Variants in ULK4 observed in about 807,000 individuals in gnomAD.
ULK4 encodes the protein inactive serine/threonine-protein kinase ULK4.
In ULK4, 133 loss-of-function variants were observed where a neutral mutation model predicts 160.6. That is an observed-to-expected ratio of 0.83 (90% CI 0.72 to 0.96). The LOEUF is 0.96. Ranked by LOEUF, ULK4 falls within the 40% of genes least tolerant of loss-of-function variation. The pLI, the probability that ULK4 is intolerant of heterozygous loss-of-function variation, is 0.00. For synonymous variants in ULK4, 534 were observed against 539.8 expected, an observed-to-expected ratio of 0.99 and a Z score of 0.15; for missense variants, 1,580 against 1,499.5, an observed-to-expected ratio of 1.05 and a Z score of -0.89.
At chr3:41,848,617 G>A (rs1295113403) in intron 17 of ULK4, among the ~76,000 whole-genome samples, 1 of 152,194 alleles carries the variant, frequency 6.6e-6, no homozygotes, top group African/African-American at 2.4e-5. Flanking sequence ...CAAGGCTCTT[G>A]CTCAGGAATC....
rs2032884462 is a variant in ULK4, at chr3:41,614,912, G to A, written c.3120+757C>T. Among the ~76,000 whole-genome samples, 3 of 152,168 alleles carry A rather than the reference G, an allele frequency of 2.0e-5. No individual in the cohort carries two copies. In the South Asian group the frequency reaches 6.2e-4, roughly 31 times the overall value. Reference sequence around the variant, plus strand: ...ATCTGGCTGGGGAAGTGCCCCCTCTGTTGTGCCTTGTGCTGTTACTGAGCT... The same window carrying A: ...ATCTGGCTGGGGAAGTGCCCCCTCTATTGTGCCTTGTGCTGTTACTGAGCT... On this transcript the variant is annotated intron_variant, in intron 31 of 36. Coordinates refer to ENST00000301831, the MANE Select transcript of ULK4 (RefSeq NM_017886.4).
chr3:41,932,230 A>C (rs995091711), intron 4 of ULK4, among the ~76,000 whole-genome samples: 1 of 152,222 alleles, frequency 6.6e-6, no homozygotes, highest in African/African-American at 2.4e-5. Context: ...GTATATAATG[A>C]ACACATCATA....
intron 34 of ULK4, among the ~76,000 whole-genome samples, chr3:41,454,982 T>C (rs1232395309): frequency 6.6e-6 from 1 of 152,168 alleles, no homozygotes; most frequent in African/African-American, 2.4e-5. Context: ...AACTGTTTAA[T>C]ACGTCCAAAC....
intron 30 of ULK4, among the ~76,000 whole-genome samples, chr3:41,637,401 T>C (rs879103189): frequency 6.6e-6 from 1 of 152,220 alleles, no homozygotes; most frequent in Admixed American, 6.5e-5. Flanking sequence ...TGAATAGTAT[T>C]CTATTGTGTA....
intron 18 of ULK4, among the ~76,000 whole-genome samples, chr3:41,827,290 G>T (rs4973988): frequency 5.3e-5 from 8 of 150,716 alleles, no homozygotes; most frequent in Non-Finnish European, 1.0e-4. Context: ...GCTAGCAGAA[G>T]GCAAGAAATA....
At chr3:41,335,554 A>G (rs1270623182) in intron 35 of ULK4, among the ~76,000 whole-genome samples, 1 of 152,198 alleles carries the variant, frequency 6.6e-6, no homozygotes, top group African/African-American at 2.4e-5. Context: ...TTGCAAAAAC[A>G]TCACAACCAC....
intron 17 of ULK4, among the ~76,000 whole-genome samples, chr3:41,862,799 CT>C (rs1412543553): frequency 8.3e-5 from 12 of 144,530 alleles, no homozygotes; most frequent in East Asian, 6.1e-4. Context: ...TCCCCCCCCC[CT>C]TTCTCTCTCT....
intron 22 of ULK4, among the ~76,000 whole-genome samples, chr3:41,720,928 G>T (rs903752163): frequency 1.6e-4 from 24 of 152,200 alleles, no homozygotes; most frequent in South Asian, 4.1e-4. Flanking sequence ...CACATAGTTT[G>T]CTATTTATAA....
At chr3:41,265,092 G>A (rs1250483761) in intron 35 of ULK4, among the ~76,000 whole-genome samples, 2 of 152,200 alleles carry the variant, frequency 1.3e-5, no homozygotes, top group African/African-American at 2.4e-5. Context: ...GACACGAGGT[G>A]GCCAGGCCTG....
intron 32 of ULK4, among the ~76,000 whole-genome samples, chr3:41,496,552 G>A (rs1235004232): frequency 6.6e-6 from 1 of 152,024 alleles, no homozygotes; most frequent in Non-Finnish European, 1.5e-5. Flanking sequence ...TGAAGTTGGA[G>A]TTTGCTGAGG....
chr3:41,617,629 A>G (rs2033040507), intron 30 of ULK4, among the ~76,000 whole-genome samples: 1 of 152,232 alleles, frequency 6.6e-6, no homozygotes, highest in Non-Finnish European at 1.5e-5. Flanking sequence ...CATCAGCCTC[A>G]AAGATCAAAG....
rs184126976 is a variant in ULK4 at position 41,612,552 on chromosome 3, T to G, written c.3120+3117A>C. On this transcript the variant is annotated intron_variant, in intron 31 of 36. Coordinates refer to ENST00000301831, the MANE Select transcript of ULK4 (RefSeq NM_017886.4). ...TGCCTCCTCAGTAGGTAGTGACAAC[T>G]GGAGATAATTTTTATTTTTTCTCCA... Among the ~76,000 whole-genome samples, 380 of 152,352 alleles carry G rather than the reference T, an allele frequency of 2.5e-3. 1 individual carries two copies. The highest frequency in any genetic ancestry group is 8.3e-3 in the African/African-American group (345 of 41,594).
intron 2 of ULK4, among the ~76,000 whole-genome samples, chr3:41,952,987 G>C (rs1477563575): frequency 2.6e-5 from 4 of 151,942 alleles, no homozygotes; most frequent in Admixed American, 2.6e-4. Flanking sequence ...TTTATATAGA[G>C]TAGTCAAAAC....
At chr3:41,409,439 TAA>T (rs2082366472) in intron 34 of ULK4, among the ~76,000 whole-genome samples, 1 of 151,956 alleles carries the variant, frequency 6.6e-6, no homozygotes, top group Admixed American at 6.5e-5. Flanking sequence ...ACCAAGAAAG[TAA>T]AAAGACAACC....
chr3:41,743,279 G>T (rs1198321204), intron 22 of ULK4, among the ~76,000 whole-genome samples: 1 of 151,304 alleles, frequency 6.6e-6, no homozygotes, highest in African/African-American at 2.4e-5. Context: ...TTTGAACCAT[G>T]ATATGAAACC....
rs180884680 is a variant in ULK4 at position 41,841,685 on chromosome 3, T to G, written c.1657-5714A>C. Among the ~76,000 whole-genome samples the G allele has an allele frequency of 3.9e-3, 585 of 151,486 alleles. 3 individuals carry two copies. Among genetic ancestry groups the G allele is most frequent in the African/African-American group, 0.013 (552 of 41,276 alleles). Reference sequence around the variant, plus strand: ...ACGGGCCATGATGACGATGGCGGTTTTGTCGAAAAGAAAAGGGGAAATGTG... The same window carrying G: ...ACGGGCCATGATGACGATGGCGGTTGTGTCGAAAAGAAAAGGGGAAATGTG... On this transcript the variant is annotated intron_variant, in intron 17 of 36. Transcript: ENST00000301831.
intron 35 of ULK4, among the ~76,000 whole-genome samples, chr3:41,278,841 A>G (rs1239981050): frequency 6.6e-6 from 1 of 152,210 alleles, no homozygotes; most frequent in Non-Finnish European, 1.5e-5. Flanking sequence ...AGATGGGGAG[A>G]AACCAGAGCA....
intron 34 of ULK4, among the ~76,000 whole-genome samples, chr3:41,408,771 C>G (rs1042579495): frequency 6.6e-6 from 1 of 151,980 alleles, no homozygotes. Flanking sequence ...ATCTAGAGAC[C>G]AATGGAATAG....
intron 35 of ULK4, among the ~76,000 whole-genome samples, chr3:41,351,386 G>C (rs1293228438): frequency 6.6e-6 from 1 of 152,164 alleles, no homozygotes; most frequent in Non-Finnish European, 1.5e-5. Flanking sequence ...ACATGCACCT[G>C]ATGGACAAAA....
Sources: allele counts gnomAD v4.1 joint callset (sites outside exome capture counted in the v4.1 genomes callset), GRCh38; gene constraint gnomAD v4.1.1; transcripts MANE v1.5; gene names NCBI Gene and HGNC (gene_info 2026-07-23, HGNC 2026-07-21).